Variants in CDK18 observed in about 807,000 individuals in gnomAD.
CDK18 encodes cyclin dependent kinase 18, also known as cyclin-dependent kinase 18.
A neutral mutation model predicts 62.0 loss-of-function variants in CDK18; 52 were observed. The observed-to-expected ratio is 0.84, with a 90% CI of 0.67 to 1.06. CDK18 has a LOEUF of 1.06. Among genes scored for constraint, CDK18 ranks in the 50% least tolerant of loss-of-function variants. The pLI, the probability that CDK18 is intolerant of heterozygous loss-of-function variation, is 0.00. For synonymous variants in CDK18, 237 were observed against 247.0 expected, an observed-to-expected ratio of 0.96 and a Z score of 0.38; for missense variants, 604 against 619.9, an observed-to-expected ratio of 0.97 and a Z score of 0.27.
chr1:205,514,585 G>T (rs1427624609), intron 1 of CDK18, among the ~76,000 whole-genome samples: 1 of 152,148 alleles, frequency 6.6e-6, no homozygotes, highest in Non-Finnish European at 1.5e-5. Context: ...AGTGTGTCCT[G>T]GATCTTAAAG....
rs1442145669 is a variant in CDK18 at position 205,525,214 on chromosome 1, T to C, written c.456+19T>C. On this transcript the variant is annotated intron_variant, in intron 5 of 15. Coordinates refer to ENST00000429964, the MANE Select transcript of CDK18 (RefSeq NM_212502.3). ...GGGAGAGGTAAGACGCTGGGTTTGG[T>C]CTTCTCCGAATAGCCAGGCAGGATG... 9 of 1,597,976 alleles carry C rather than the reference T, an allele frequency of 5.6e-6. No homozygotes were observed. In the East Asian group the frequency reaches 1.3e-4, roughly 24 times the overall value.
At chr1:205,529,715 G>T (rs45479796) in intron 13 of CDK18, 152 bp downstream of exon 13, 76,271 of 1,541,554 alleles carry the variant, frequency 0.049, 3,444 homozygotes, top group African/African-American at 0.21. Flanking sequence ...AGGCCAAGGG[G>T]TGGCCTCCAT....
intron 7 of CDK18, 105 bp from the exon 8 acceptor site, chr1:205,526,669 TG>T: frequency 8.8e-7 from 1 of 1,139,426 alleles, no homozygotes; most frequent in Non-Finnish European, 1.3e-6. Context: ...GTCCCACTAG[TG>T]GGCGTGGGCC....
At chr1:205,512,639 G>C (rs1268834546) in intron 1 of CDK18, among the ~76,000 whole-genome samples, 1 of 152,222 alleles carries the variant, frequency 6.6e-6, no homozygotes, top group East Asian at 1.9e-4. Flanking sequence ...CAGAAGCTGG[G>C]AGCTGGTCAG....
In CDK18 at chr1:205,527,241, G is replaced by A. The variant is rs533819776; in HGVS notation, c.729+404G>A. On this transcript the variant is annotated intron_variant, in intron 8 of 15. Transcript: ENST00000429964. The surrounding 1 kb of genome is among the most constrained non-coding windows in gnomAD (Gnocchi z 4.1). ...CACGCCTGTAATCCCAGCACTGGGA[G>A]GCCAAGGCAGGAAGATGGCTTGAGC... 139 of 227,018 alleles carry A rather than the reference G, an allele frequency of 6.1e-4. No individual in the cohort carries two copies. The highest frequency in any genetic ancestry group is 1.6e-3 in the Middle Eastern group (1 of 614). 14.1% of individuals were successfully genotyped at this position (227,018 alleles called of 1,614,324 possible).
chr1:205,506,920 G>A (rs1295646066), intron 1 of CDK18, among the ~76,000 whole-genome samples: 1 of 152,230 alleles, frequency 6.6e-6, no homozygotes, highest in African/African-American at 2.4e-5. Flanking sequence ...TGCCAGCCCT[G>A]CAAACCCCCG....
At chr1:205,529,647 T>C in intron 13 of CDK18, 84 bp downstream of exon 13, 1 of 1,607,572 alleles carries the variant, frequency 6.2e-7, no homozygotes, top group Non-Finnish European at 8.5e-7. Flanking sequence ...CGCCCCAACT[T>C]CTGTGGCTCG....
rs764085242 is a variant in CDK18 at position 205,529,644 on chromosome 1, A to C, written c.1221+81A>C. On this transcript the variant is annotated intron_variant, in intron 13 of 15. Coordinates refer to ENST00000429964, the MANE Select transcript of CDK18 (RefSeq NM_212502.3). ...TGCCCCATGCCGGGCCTACGCCCCA[A>C]CTTCTGTGGCTCGTGTGCTTACACG... The C allele has an allele frequency of 4.4e-6, 7 of 1,608,730 alleles. No individual in the cohort carries two copies. The East Asian group carries it at 1.6e-4, about 36-fold the overall frequency.
Position 205,527,426 on chromosome 1 carries a change from C to A in CDK18, c.730-368C>A. 4.3e-6 allele frequency: 1 copy of A among 232,180 alleles called. No individual in the cohort carries two copies. The highest frequency in any genetic ancestry group is 8.5e-6 in the Non-Finnish European group (1 of 118,100). The allele number at this position is 232,180 out of a possible 1,614,324, so 14.4% of individuals were successfully genotyped here. On this transcript the variant is annotated intron_variant, in intron 8 of 15. Coordinates refer to ENST00000429964, the MANE Select transcript of CDK18 (RefSeq NM_212502.3). The surrounding 1 kb of genome is among the most constrained non-coding windows in gnomAD (Gnocchi z 4.1). ...CCCGGGAGGTTGAGGCTGCAGTGAGCCATGATCACACCACTGCACTCCAGC... is the reference window on the plus strand; with the variant it reads ...CCCGGGAGGTTGAGGCTGCAGTGAGACATGATCACACCACTGCACTCCAGC...
rs1575068936 is a variant in CDK18, at chr1:205,524,167, A to G, written c.274-65A>G. Reference sequence around the variant, plus strand: ...CGCTAGGTCCAGAGTGAAAGTCTGGAGCCCCACAGCCCTAGCTACCCTGAA... The same window carrying G: ...CGCTAGGTCCAGAGTGAAAGTCTGGGGCCCCACAGCCCTAGCTACCCTGAA... On this transcript the variant is annotated intron_variant, in intron 3 of 15. Coordinates refer to ENST00000429964, the MANE Select transcript of CDK18 (RefSeq NM_212502.3). 2.5e-6 allele frequency: 4 copies of G among 1,593,910 alleles called. No homozygotes were observed. In the East Asian group the frequency reaches 6.7e-5, roughly 27 times the overall value.
chr1:205,529,284 G>A, intron 11 of CDK18, 40 bp from the exon 12 acceptor site: 1 of 1,571,696 alleles, frequency 6.4e-7, no homozygotes, highest in Non-Finnish European at 8.7e-7. Flanking sequence ...TTGGCCCTGG[G>A]CCTCACGCAG....
chr1:205,521,259 A>T (rs1239578481), intron 1 of CDK18, among the ~76,000 whole-genome samples: 1 of 152,166 alleles, frequency 6.6e-6, no homozygotes, highest in Non-Finnish European at 1.5e-5. Context: ...TCGCCCAGGC[A>T]GGAGTGCAAT....
intron 1 of CDK18, among the ~76,000 whole-genome samples, chr1:205,507,633 CAAAAAAAAAAAAAAAAAAA>C (rs56313401): frequency 2.8e-5 from 2 of 72,198 alleles, no homozygotes; most frequent in Admixed American, 2.0e-4. Flanking sequence ...GACTCCGTCT[CAAAAAAAAAAAAAAAAAAA>C]AAAAAAAAAA....
chr1:205,519,650 C>T (rs1008050066), intron 1 of CDK18, among the ~76,000 whole-genome samples: 1 of 152,176 alleles, frequency 6.6e-6, no homozygotes, highest in African/African-American at 2.4e-5. Flanking sequence ...CAGTCAGCTG[C>T]CTCTGGCCTC....
intron 1 of CDK18, among the ~76,000 whole-genome samples, chr1:205,514,187 G>A (rs1667708055): frequency 6.6e-6 from 1 of 152,220 alleles, no homozygotes; most frequent in Non-Finnish European, 1.5e-5. Context: ...AGCTGTGGGA[G>A]CACAGAAGAG....
chr1:205,526,848 G>A lies in CDK18; in HGVS notation c.729+11G>A, dbSNP rs1544154. On this transcript the variant is annotated intron_variant, in intron 8 of 15. Coordinates refer to ENST00000429964, the MANE Select transcript of CDK18 (RefSeq NM_212502.3). ...ATGCACAACGTCAAGGTGAGGCCTC[G>A]GGGGCAGGGTCCCCCCATCTTGGCA... 3.7e-5 allele frequency: 60 copies of A among 1,610,354 alleles called. No individual in the cohort carries two copies. In the African/African-American group the frequency reaches 4.7e-4, roughly 13 times the overall value.
At position 205,530,250 on chromosome 1, in the gene CDK18, G is replaced by T; in HGVS notation, c.1222-9G>T. The T allele has an allele frequency of 6.2e-7, 1 of 1,611,562 alleles. No individual in the cohort carries two copies. The stretch of plus-strand genomic sequence containing the variant: ...GCCGGGCCCAATAGCCCCACCCTGT[G>T]CCTTTCAGTATGAATCCAAGAGTCG... On this transcript the variant is annotated splice_polypyrimidine_tract_variant and intron_variant, in intron 13 of 15. Transcript: ENST00000429964.
intron 6 of CDK18, 68 bp downstream of exon 6, chr1:205,526,247 T>C: frequency 1.3e-6 from 2 of 1,504,012 alleles, no homozygotes; most frequent in East Asian, 2.3e-5. Context: ...GCCTGCACCC[T>C]TGTGGGAGCT....
rs935557454 is a variant in CDK18 at position 205,531,832 on chromosome 1, A to G, written c.*454A>G. 1.7e-5 allele frequency: 3 copies of G among 178,148 alleles called. No individual in the cohort carries two copies. The highest frequency in any genetic ancestry group is 7.1e-5 in the African/African-American group (3 of 42,058). 11.0% of individuals were successfully genotyped at this position (178,148 alleles called of 1,614,324 possible). A position where few individuals can be genotyped will look rare whatever the true frequency, so the allele number is the denominator to read the frequency against. ...GCCCCTTGGAGCCCACACACGTTTC[A>G]TCTTTTTCCCCTCTGAGAGCAAGAA... On this transcript the variant is annotated 3_prime_UTR_variant, in exon 16 of 16. Coordinates refer to ENST00000429964, the MANE Select transcript of CDK18 (RefSeq NM_212502.3).
Sources: allele counts gnomAD v4.1 joint callset (sites outside exome capture counted in the v4.1 genomes callset), GRCh38; gene constraint gnomAD v4.1.1; non-coding constraint Gnocchi (gnomAD v3.1); transcripts MANE v1.5; gene names NCBI Gene and HGNC (gene_info 2026-07-23, HGNC 2026-07-21).